Variants in SEPTIN1 observed in about 807,000 individuals in gnomAD.
SEPTIN1 encodes septin-1.
SEPTIN1 carries 52 observed loss-of-function variants against 50.7 expected under a neutral mutation model. The observed-to-expected ratio is 1.03, with a 90% CI of 0.82 to 1.29. SEPTIN1 has a LOEUF of 1.29. Ranked by LOEUF, SEPTIN1 falls within the 50% of genes most tolerant of loss-of-function variation. The probability of loss-of-function intolerance (pLI) is 0.00; values close to 1 mark genes in which losing one functional copy is unlikely to be tolerated. For missense variants in SEPTIN1, 455 were observed against 490.7 expected (o/e 0.93, Z 0.69); for synonymous variants, 204 against 189.1 (o/e 1.08, Z -0.65).
intron 8 of SEPTIN1, 89 bp downstream of exon 8, chr16:30,379,346 G>A: frequency 7.0e-7 from 1 of 1,438,778 alleles, no homozygotes. Flanking sequence ...TGGGACCAAA[G>A]CCCACCCCAA....
chr16:30,382,275 C>A lies in SEPTIN1; in HGVS notation c.109G>T (p.Gly37Trp). 2 of 1,613,706 alleles carry A rather than the reference C, an allele frequency of 1.2e-6. No homozygotes were observed. The highest frequency in any genetic ancestry group is 1.6e-4 in the Middle Eastern group (1 of 6,062). Reference sequence around the variant, plus strand: ...AGTTCCCTCTCCAAAACCCCCAGACCTGCCACCATTAGCGTGAAGTCAAAC... The same window carrying A: ...AGTTCCCTCTCCAAAACCCCCAGACATGCCACCATTAGCGTGAAGTCAAAC... ...KGFDFTLMVAGESGLGKSTLI... is the reference protein window; with the variant it reads ...KGFDFTLMVAWESGLGKSTLI... The change falls in exon 2 of 11, where the codon GGG (glycine) becomes TGG (tryptophan). Residue 37 changes from glycine to tryptophan, a missense_variant and splice_region_variant. Coordinates refer to ENST00000321367, the MANE Select transcript of SEPTIN1 (RefSeq NM_001365977.2). This position sits in a 1 kb window ranked among gnomAD's most constrained non-coding sequence, Gnocchi z 4.8.
At chr16:30,379,294 C>T in intron 8 of SEPTIN1, 111 bp from the exon 9 acceptor site, 1 of 1,476,774 alleles carries the variant, frequency 6.8e-7, no homozygotes, top group Non-Finnish European at 9.3e-7. Context: ...GGAGGGTCCG[C>T]GGTCTGCAGC....
In SEPTIN1 at chr16:30,379,164, G is replaced by T; in HGVS notation, c.795C>A (p.Cys265Ter). The change falls in exon 9 of 11, where the codon TGC becomes TGA. Residue 265 changes from cysteine (C) to a stop codon, truncating the protein, a stop_gained. Transcript: ENST00000321367. LOFTEE classifies it high-confidence loss of function. ...GCATCCGTCGCAGGTTCAGGAAATC[G>T]CAGTGATGTGGGTTCTCCACTGGAG... ...GTVEVENPHH[C>*]DFLNLRRMLV... 5 of 1,614,138 alleles carry T rather than the reference G, an allele frequency of 3.1e-6. No individual in the cohort carries two copies. Among genetic ancestry groups the T allele is most frequent in the Non-Finnish European group, 4.2e-6 (5 of 1,180,012 alleles).
rs545983379 is a variant in SEPTIN1, at chr16:30,381,632, G to A, written c.320+128C>T. ...CTAGGTGAGTCATCAAGAAGCACAG[G>A]GACCCAGTGGCCCTCTGAAACAGAC... On this transcript the variant is annotated intron_variant, in intron 4 of 10. Coordinates refer to ENST00000321367, the MANE Select transcript of SEPTIN1 (RefSeq NM_001365977.2). This position sits in a 1 kb window ranked among gnomAD's most constrained non-coding sequence, Gnocchi z 4.3. 2 of 1,489,272 alleles carry A rather than the reference G, an allele frequency of 1.3e-6. No homozygotes were observed. The highest frequency in any genetic ancestry group is 4.5e-5 in the East Asian group (2 of 44,058). 92.3% of individuals were successfully genotyped at this position (1,489,272 alleles called of 1,614,324 possible).
chr16:30,382,454 G>T lies in SEPTIN1; in HGVS notation c.18+71C>A. The T allele has an allele frequency of 6.4e-7, 1 of 1,562,392 alleles. No individual in the cohort carries two copies. Among genetic ancestry groups the T allele is most frequent in the Non-Finnish European group, 8.8e-7 (1 of 1,140,502 alleles). The stretch of plus-strand genomic sequence containing the variant: ...TGAGTTCCTGGGCTAGGAAGAGTCA[G>T]TGGGGTCTGGGGACCCCAGGCATGG... On this transcript the variant is annotated intron_variant, in intron 1 of 10. Coordinates refer to ENST00000321367, the MANE Select transcript of SEPTIN1 (RefSeq NM_001365977.2). This position sits in a 1 kb window ranked among gnomAD's most constrained non-coding sequence, Gnocchi z 4.8.
At position 30,379,086 on chromosome 16, in the gene SEPTIN1, G is replaced by A. The variant is rs1181676416; in HGVS notation, c.873C>T (p.Tyr291=). 2.5e-6 allele frequency: 4 copies of A among 1,614,082 alleles called. No individual in the cohort carries two copies. The South Asian group carries it at 4.4e-5, about 18-fold the overall frequency. The change falls in exon 9 of 11, where the codon TAC becomes TAT. Residue 291 remains tyrosine (Y), a synonymous_variant. Coordinates refer to ENST00000321367, the MANE Select transcript of SEPTIN1 (RefSeq NM_001365977.2). Reference sequence around the variant, plus strand: ...GTAGGCAGCGGGCCCGGTAGCCCTCGTAGAGCAGATCGTGCGTCACCTCTT... The same window carrying A: ...GTAGGCAGCGGGCCCGGTAGCCCTCATAGAGCAGATCGTGCGTCACCTCTT... ...DLKEVTHDLL[Y]EGYRARCLQS... is the part of the protein sequence containing the mutation.
At chr16:30,378,854 GGGAGAGAGGGAGAGAC>G (rs1279283199) in intron 9 of SEPTIN1, among the ~76,000 whole-genome samples, 148 bp downstream of exon 9, 12 of 144,032 alleles carry the variant, frequency 8.3e-5, no homozygotes, top group Non-Finnish European at 1.2e-4. Context: ...GGGAGAGAGG[GGGAGAGAGGGAGAGAC>G]GGAGAGAGGG....
rs2049863927 is a variant in SEPTIN1 at position 30,382,452 on chromosome 16, C to G, written c.18+73G>C. 6.4e-7 allele frequency: 1 copy of G among 1,566,710 alleles called. No individual in the cohort carries two copies. The highest frequency in any genetic ancestry group is 8.7e-7 in the Non-Finnish European group (1 of 1,144,980). On this transcript the variant is annotated intron_variant, in intron 1 of 10. Transcript: ENST00000321367. This position sits in a 1 kb window ranked among gnomAD's most constrained non-coding sequence, Gnocchi z 4.8. Reference sequence around the variant, plus strand: ...CTTGAGTTCCTGGGCTAGGAAGAGTCAGTGGGGTCTGGGGACCCCAGGCAT... The same window carrying G: ...CTTGAGTTCCTGGGCTAGGAAGAGTGAGTGGGGTCTGGGGACCCCAGGCAT...
rs367948908 is a variant in SEPTIN1 at position 30,381,741 on chromosome 16, C to T, written c.320+19G>A. On this transcript the variant is annotated intron_variant, in intron 4 of 10. Coordinates refer to ENST00000321367, the MANE Select transcript of SEPTIN1 (RefSeq NM_001365977.2). This position sits in a 1 kb window ranked among gnomAD's most constrained non-coding sequence, Gnocchi z 4.3. ...CCACTGTGAAAGGCTGAGCCTCTGTCCCCTTTCCTCTTCCTCACCAGTCAG... is the reference window on the plus strand; with the variant it reads ...CCACTGTGAAAGGCTGAGCCTCTGTTCCCTTTCCTCTTCCTCACCAGTCAG... 7 of 1,613,362 alleles carry T rather than the reference C, an allele frequency of 4.3e-6. No individual in the cohort carries two copies. In the African/African-American group the frequency reaches 8.0e-5, roughly 18 times the overall value.
Position 30,382,015 on chromosome 16 carries a change from T to A in SEPTIN1, c.196+78A>T. 1 of 1,597,890 alleles carries A rather than the reference T, an allele frequency of 6.3e-7. No homozygotes were observed. Among genetic ancestry groups the A allele is most frequent in the Non-Finnish European group, 8.6e-7 (1 of 1,167,762 alleles). The stretch of plus-strand genomic sequence containing the variant: ...CTCAGAAAAAAAGCAGTCAACTACC[T>A]GAGTCCCCAGATGGAAAAGACTAGG... On this transcript the variant is annotated intron_variant, in intron 3 of 10. Coordinates refer to ENST00000321367, the MANE Select transcript of SEPTIN1 (RefSeq NM_001365977.2). This position sits in a 1 kb window ranked among gnomAD's most constrained non-coding sequence, Gnocchi z 4.8.
chr16:30,381,108 CAG>C lies in SEPTIN1; in HGVS notation c.573+17_573+18del. 1 of 1,584,294 alleles carries C rather than the reference CAG, an allele frequency of 6.3e-7. No homozygotes were observed. Among genetic ancestry groups the C allele is most frequent in the Non-Finnish European group, 8.7e-7 (1 of 1,152,814 alleles). ...TTTGGCTTCACATGGGGTCAAAGGT[CAG>C]AGGTCATCACTCACACCTTCTGCTT... On this transcript the variant is annotated intron_variant, in intron 6 of 10. Transcript: ENST00000321367. The surrounding 1 kb of genome is among the most constrained non-coding windows in gnomAD (Gnocchi z 4.3).
At position 30,381,822 on chromosome 16, in the gene SEPTIN1, C is replaced by T; in HGVS notation, c.258G>A (p.Val86=). 1 of 1,614,166 alleles carries T rather than the reference C, an allele frequency of 6.2e-7. No individual in the cohort carries two copies. Among genetic ancestry groups the T allele is most frequent in the Non-Finnish European group, 8.5e-7 (1 of 1,180,018 alleles). Residue 86 remains valine (V), a synonymous_variant, in exon 4 of 11, where the codon GTG becomes GTA. Coordinates refer to ENST00000321367, the MANE Select transcript of SEPTIN1 (RefSeq NM_001365977.2). The surrounding 1 kb of genome is among the most constrained non-coding windows in gnomAD (Gnocchi z 4.3). ...TGTCCACAAGGGTCAGCTTCACTTT[C>T]ACACCCCCTTCCTCAATCTCTACGC... is the stretch of plus-strand genomic sequence containing the variant. ...RRGVEIEEGG[V]KVKLTLVDTP...
chr16:30,378,470 C>T lies in SEPTIN1; in HGVS notation c.1083G>A (p.Gln361=), dbSNP rs2151108980. 1 of 1,577,464 alleles carries T rather than the reference C, an allele frequency of 6.3e-7. No individual in the cohort carries two copies. The change falls in exon 11 of 11, where the codon CAG becomes CAA. Residue 361 remains glutamine, a synonymous_variant. Transcript: ENST00000321367. ...MLEKMQAQMQ[Q]SQAQGEQSDA... ...CTGACTGCTCGCCCTGGGCCTGGCTCTGCTGCATTTGGGCCTGCATCTTCT... is the reference window on the plus strand; with the variant it reads ...CTGACTGCTCGCCCTGGGCCTGGCTTTGCTGCATTTGGGCCTGCATCTTCT...
chr16:30,381,068 TA>T lies in SEPTIN1; in HGVS notation c.573+58del. On this transcript the variant is annotated intron_variant, in intron 6 of 10. Coordinates refer to ENST00000321367, the MANE Select transcript of SEPTIN1 (RefSeq NM_001365977.2). This position sits in a 1 kb window ranked among gnomAD's most constrained non-coding sequence, Gnocchi z 4.3. ...AGGCCACTTCAAGATCAAAGAAGTC[TA>T]AGCTGAAATCAGGTTTGGCTTCACA... 7.5e-7 allele frequency: 1 copy of T among 1,327,196 alleles called. No homozygotes were observed. 82.2% of individuals were successfully genotyped at this position (1,327,196 alleles called of 1,614,324 possible). A position where few individuals can be genotyped will look rare whatever the true frequency, so the allele number is the denominator to read the frequency against.
intron 7 of SEPTIN1, 156 bp downstream of exon 7, chr16:30,379,776 T>A (rs2049817190): frequency 1.7e-6 from 1 of 596,040 alleles, no homozygotes; most frequent in Admixed American, 3.1e-5. Context: ...CTGGCAAATT[T>A]GTGTATTTTT....
At position 30,382,417 on chromosome 16, in the gene SEPTIN1, C is replaced by T. The variant is rs940666234; in HGVS notation, c.19-52G>A. 1.4e-5 allele frequency: 22 copies of T among 1,570,222 alleles called. No individual in the cohort carries two copies. Among genetic ancestry groups the T allele is most frequent in the Middle Eastern group, 1.7e-4 (1 of 5,920 alleles). On this transcript the variant is annotated intron_variant, in intron 1 of 10. Coordinates refer to ENST00000321367, the MANE Select transcript of SEPTIN1 (RefSeq NM_001365977.2). The surrounding 1 kb of genome is among the most constrained non-coding windows in gnomAD (Gnocchi z 4.8). ...GCTGCTGGCAATGGCAGGCAGGGTC[C>T]CCAGGATCACTTGAGTTCCTGGGCT...
At chr16:30,382,611 C>T (rs1251955101), upstream of SEPTIN1, 13 of 1,551,832 alleles carry the variant, frequency 8.4e-6, no homozygotes, top group African/African-American at 2.7e-5. This position sits in a 1 kb window ranked among gnomAD's most constrained non-coding sequence, Gnocchi z 4.8. Flanking sequence ...AACAAGGGGG[C>T]GGGCAGAAGA....
chr16:30,379,586 C>A, intron 7 of SEPTIN1, 52 bp from the exon 8 acceptor site: 1 of 1,353,928 alleles, frequency 7.4e-7, no homozygotes, highest in Non-Finnish European at 1.0e-6. Context: ...CAGAAACTTT[C>A]TCTTTCCCAG....
At position 30,381,871 on chromosome 16, in the gene SEPTIN1, T is replaced by G. The variant is rs749704730; in HGVS notation, c.209A>C (p.Gln70Pro). The G allele has an allele frequency of 1.9e-6, 3 of 1,613,994 alleles. No homozygotes were observed. Among genetic ancestry groups the G allele is most frequent in the African/African-American group, 1.3e-5 (1 of 74,898 alleles). Residue 70 changes from glutamine to proline, a missense_variant, in exon 4 of 11, where the codon CAG becomes CCG. Coordinates refer to ENST00000321367, the MANE Select transcript of SEPTIN1 (RefSeq NM_001365977.2). This position sits in a 1 kb window ranked among gnomAD's most constrained non-coding sequence, Gnocchi z 4.3. ...GCCCCGGCGCTCAATGGCCAGGGTC[T>G]GTGTCAAGCGAGCTGTGGGATGGGG... ...QVPEASARLT[Q>P]TLAIERRGVE...
Sources: gnomAD v4.1 joint callset for allele counts (sites outside exome capture counted in the v4.1 genomes callset) on GRCh38, gnomAD v4.1.1 for gene constraint, Gnocchi (gnomAD v3.1) non-coding constraint, MANE v1.5 for transcripts, NCBI Gene and HGNC (gene_info 2026-07-23, HGNC 2026-07-21) for gene names.